The following ZNF544 variants were observed in gnomAD, a reference collection of about 807,000 sequenced individuals.
The protein encoded by ZNF544 is zinc finger protein 544, also known as zinc finger protein AF020591.
Under a neutral mutation model 13.5 loss-of-function variants are expected in ZNF544, and 10 were observed. The ratio of observed to expected loss-of-function variants is 0.74; its 90% CI spans 0.46 to 1.25. The LOEUF (loss-of-function observed/expected upper bound fraction) is 1.25. Among genes scored for constraint, ZNF544 ranks in the 50% most tolerant of loss-of-function variants. ZNF544 has a pLI of 0.00. For synonymous variants in ZNF544, 323 were observed against 300.5 expected (o/e 1.07, Z -0.77); for missense variants, 896 against 845.6 (o/e 1.06, Z -0.74).
intron 5 of ZNF544, among the ~76,000 whole-genome samples, chr19:58,272,235 C>T (rs2050723829): frequency 6.6e-6 from 1 of 150,662 alleles, no homozygotes; most frequent in Non-Finnish European, 1.5e-5. Flanking sequence ...TTTATTTCAG[C>T]AGGCAGGGCA....
In ZNF544 at chr19:58,261,185, G is replaced by A; in HGVS notation, c.579G>A (p.Glu193=). 1.9e-6 allele frequency: 3 copies of A among 1,614,134 alleles called. No homozygotes were observed. Among genetic ancestry groups the A allele is most frequent in the Non-Finnish European group, 2.5e-6 (3 of 1,180,046 alleles). The part of the protein sequence containing the change: ...GFPKPNSQVK[E]LKQNSAFINH... ...CTAAGCCCAACTCACAAGTTAAAGA[G>A]TTGAAACAAAATTCAGCTTTCATTA... The change falls in exon 7 of 7, where the codon GAG becomes GAA. Residue 193 remains glutamate (E), a synonymous_variant. Coordinates refer to ENST00000687789, the MANE Select transcript of ZNF544 (RefSeq NM_014480.4).
downstream of ZNF544, among the ~76,000 whole-genome samples, chr19:58,264,849 A>T (rs260467): frequency 0.54 from 81,541 of 151,744 alleles, 22,172 homozygotes; most frequent in Middle Eastern, 0.65. Flanking sequence ...TCTACAAAAA[A>T]TAGAATTAGC....
chr19:58,252,754 A>G (rs1470309310), intron 6 of ZNF544, among the ~76,000 whole-genome samples: 1 of 152,230 alleles, frequency 6.6e-6, no homozygotes, highest in Non-Finnish European at 1.5e-5. Flanking sequence ...CATTTTATAG[A>G]TGAGAAGAAT....
intron 5 of ZNF544, among the ~76,000 whole-genome samples, chr19:58,275,467 T>C (rs1381316082): frequency 6.6e-6 from 1 of 151,636 alleles, no homozygotes; most frequent in East Asian, 1.9e-4. Context: ...TAAGAACTAC[T>C]GCAATAGACA....
At position 58,243,965 on chromosome 19, in the gene ZNF544, A is replaced by G; in HGVS notation, c.-59A>G. ...AATCTCTGCTTGTTTTCCACCCCAG[A>G]CTGGTCTTCTGAGGACCTCTGCCCT... On this transcript the variant is annotated splice_region_variant and 5_prime_UTR_variant, in exon 4 of 7. Coordinates refer to ENST00000687789, the MANE Select transcript of ZNF544 (RefSeq NM_014480.4). The G allele has an allele frequency of 6.4e-7, 1 of 1,567,174 alleles. No individual in the cohort carries two copies. The highest frequency in any genetic ancestry group is 8.7e-7 in the Non-Finnish European group (1 of 1,155,308).
At chr19:58,240,819 A>G (rs961674540) in intron 3 of ZNF544, among the ~76,000 whole-genome samples, 4 of 151,734 alleles carry the variant, frequency 2.6e-5, no homozygotes, top group Non-Finnish European at 5.9e-5. Flanking sequence ...CCAGCCCTGC[A>G]CATTCCCTGT....
intron 5 of ZNF544, among the ~76,000 whole-genome samples, chr19:58,270,842 T>G (rs1039265389): frequency 1.3e-5 from 2 of 152,154 alleles, no homozygotes; most frequent in Non-Finnish European, 2.9e-5. Flanking sequence ...AATTAAAGCT[T>G]GAAATGTAAT....
chr19:58,234,468 C>T (rs2041990139), intron 3 of ZNF544, among the ~76,000 whole-genome samples: 1 of 152,268 alleles, frequency 6.6e-6, no homozygotes, highest in South Asian at 2.1e-4. Context: ...CTTGCTGGGT[C>T]TGGGTCCCAC....
intron 3 of ZNF544, among the ~76,000 whole-genome samples, chr19:58,242,507 G>A (rs1288388538): frequency 6.6e-6 from 1 of 150,550 alleles, no homozygotes; most frequent in Non-Finnish European, 1.5e-5. Context: ...AGCCCAAATG[G>A]GAGTTGTTTC....
At chr19:58,244,572 TC>T (rs2039960851) in intron 4 of ZNF544, among the ~76,000 whole-genome samples, 1 of 151,970 alleles carries the variant, frequency 6.6e-6, no homozygotes, top group Admixed American at 6.6e-5. Flanking sequence ...TAGTGTCTTT[TC>T]CTCTTCTTAT....
intron 5 of ZNF544, 107 bp downstream of exon 5, chr19:58,246,534 C>T (rs1321840416): frequency 3.3e-6 from 5 of 1,536,118 alleles, no homozygotes; most frequent in African/African-American, 1.4e-5. Flanking sequence ...AAGCAGGTCC[C>T]TTTCAGGTGC....
chr19:58,241,014 G>C (rs998758894), intron 3 of ZNF544, among the ~76,000 whole-genome samples: 1 of 148,266 alleles, frequency 6.7e-6, no homozygotes, highest in Non-Finnish European at 1.5e-5. Flanking sequence ...TTCTGTCACC[G>C]AGGCTGGAGT....
At chr19:58,234,130 A>G (rs1206892650) in intron 3 of ZNF544, among the ~76,000 whole-genome samples, 1 of 152,118 alleles carries the variant, frequency 6.6e-6, no homozygotes, top group African/African-American at 2.4e-5. Context: ...CAGCCTGCCA[A>G]CATCTACATA....
In ZNF544 at chr19:58,261,698, C is replaced by T; in HGVS notation, c.1092C>T (p.Ser364=). 1.9e-6 allele frequency: 3 copies of T among 1,614,210 alleles called. No individual in the cohort carries two copies. In the South Asian group the frequency reaches 3.3e-5, roughly 18 times the overall value. ...SVCNQCGKSF[S]CCKLIHQRTH... ...GTAATCAGTGTGGAAAATCTTTCAGCTGTTGTAAGCTCATACACCAGAGAA... is the reference window on the plus strand; with the variant it reads ...GTAATCAGTGTGGAAAATCTTTCAGTTGTTGTAAGCTCATACACCAGAGAA... The change falls in exon 7 of 7, where the codon AGC becomes AGT. Residue 364 remains serine (S), a synonymous_variant. Coordinates refer to ENST00000687789, the MANE Select transcript of ZNF544 (RefSeq NM_014480.4).
intron 3 of ZNF544, among the ~76,000 whole-genome samples, chr19:58,233,461 G>A (rs1269451465): frequency 6.6e-6 from 1 of 152,136 alleles, no homozygotes; most frequent in East Asian, 1.9e-4. Context: ...GTACTTAAAG[G>A]AAATATGAGA....
rs763353794 is a variant in ZNF544 at position 58,262,641 on chromosome 19, C to A, written c.2035C>A (p.His679Asn). 7.4e-6 allele frequency: 12 copies of A among 1,614,148 alleles called. No homozygotes were observed. The highest frequency in any genetic ancestry group is 8.5e-7 in the Non-Finnish European group (1 of 1,180,032). ...AGGGAGCTCTAACCTTCTTTCCCAT[C>A]ACAGAATTCATTCTGGAGAGAAACC... ...FSGSSNLLSH[H>N]RIHSGEKPYE... Residue 679 changes from histidine (H) to asparagine (N), a missense_variant, in exon 7 of 7, where the codon CAC becomes AAC. Physicochemically the swap from His to Asn is moderately conservative, Grantham distance 68. Coordinates refer to ENST00000687789, the MANE Select transcript of ZNF544 (RefSeq NM_014480.4).
intron 3 of ZNF544, among the ~76,000 whole-genome samples, chr19:58,234,629 C>T (rs1385445572): frequency 2.6e-5 from 4 of 152,198 alleles, no homozygotes; most frequent in East Asian, 1.9e-4. Context: ...CAGCATTCTG[C>T]GAGCTGTCTG....
intron 3 of ZNF544, among the ~76,000 whole-genome samples, chr19:58,235,002 TTTTG>T (rs2042090511): frequency 6.6e-6 from 1 of 152,212 alleles, no homozygotes; most frequent in African/African-American, 2.4e-5. Context: ...TTTTGTTGTT[TTTTG>T]TTTGTTTGTT....
In ZNF544 at chr19:58,255,267, C is replaced by G. The variant is rs549398330; in HGVS notation, c.245-5584C>G. ...CTCGGGTCACTGCAACCTCCGCCTCCCGAGTTCAAGCAGTTCTCCTGCCTC... is the reference window on the plus strand; with the variant it reads ...CTCGGGTCACTGCAACCTCCGCCTCGCGAGTTCAAGCAGTTCTCCTGCCTC... On this transcript the variant is annotated intron_variant, in intron 6 of 6. Coordinates refer to ENST00000687789, the MANE Select transcript of ZNF544 (RefSeq NM_014480.4). Among the ~76,000 whole-genome samples, 10 of 151,962 alleles carry G rather than the reference C, an allele frequency of 6.6e-5. No individual in the cohort carries two copies. In the East Asian group the frequency reaches 1.9e-3, roughly 29 times the overall value.
Sources: allele counts gnomAD v4.1 joint callset (sites outside exome capture counted in the v4.1 genomes callset), GRCh38; gene constraint gnomAD v4.1.1; transcripts MANE v1.5; gene names NCBI Gene and HGNC (gene_info 2026-07-23, HGNC 2026-07-21).